Variants in CACNA1E observed in about 807,000 individuals in gnomAD.
CACNA1E encodes the protein voltage-dependent R-type calcium channel subunit alpha-1E.
Under a neutral mutation model 259.2 loss-of-function variants are expected in CACNA1E, and 40 were observed. The ratio of observed to expected loss-of-function variants is 0.15; its 90% CI spans 0.12 to 0.20. CACNA1E has a LOEUF of 0.20. Among genes scored for constraint, CACNA1E ranks in the 10% least tolerant of loss-of-function variants. CACNA1E has a pLI of 1.00. For synonymous variants in CACNA1E, 1,104 were observed against 1,138.5 expected (o/e 0.97, Z 0.61); for missense variants, 1,874 against 3,040.1 (o/e 0.62, Z 9.02).
intron 1 of CACNA1E, among the ~76,000 whole-genome samples, chr1:181,355,583 A>G (rs971851633): frequency 1.4e-5 from 2 of 142,230 alleles, no homozygotes; most frequent in Admixed American, 1.5e-4. Flanking sequence ...GTGAGACTCC[A>G]TCTCAAACAA....
chr1:181,394,299 G>T (rs1432437265), intron 1 of CACNA1E, among the ~76,000 whole-genome samples: 4 of 152,230 alleles, frequency 2.6e-5, no homozygotes, highest in Non-Finnish European at 5.9e-5. Flanking sequence ...CATATTTAAA[G>T]TGTCTGGCAC....
At chr1:181,772,305 G>C (rs781674067) in intron 37 of CACNA1E, 74 bp downstream of exon 37, 11 of 1,451,274 alleles carry the variant, frequency 7.6e-6, no homozygotes, top group Non-Finnish European at 1.0e-5. Flanking sequence ...TACATAGACC[G>C]GAGATGTTTG....
intron 8 of CACNA1E, among the ~76,000 whole-genome samples, chr1:181,713,213 T>C (rs1186234449): frequency 6.6e-6 from 1 of 152,122 alleles, no homozygotes; most frequent in East Asian, 1.9e-4. Flanking sequence ...CTTCCATCTG[T>C]CCTGGGGGGT....
At chr1:181,723,695 T>C (rs975664243) in intron 16 of CACNA1E, among the ~76,000 whole-genome samples, 3 of 152,166 alleles carry the variant, frequency 2.0e-5, no homozygotes, top group African/African-American at 4.8e-5. Context: ...ACAACCCCCT[T>C]CCTGGGTTTG....
At chr1:181,599,110 C>T (rs1653487515) in intron 6 of CACNA1E, among the ~76,000 whole-genome samples, 1 of 152,008 alleles carries the variant, frequency 6.6e-6, no homozygotes, top group African/African-American at 2.4e-5. Context: ...TCTCCCCCCT[C>T]CCCACTCTTG....
At chr1:181,500,896 T>G (rs1410403681) in intron 1 of CACNA1E, among the ~76,000 whole-genome samples, 3 of 152,212 alleles carry the variant, frequency 2.0e-5, no homozygotes, top group Admixed American at 6.5e-5. Flanking sequence ...GCTGTCTCAG[T>G]TCCATGATGC....
At chr1:181,442,321 G>A (rs1339207908) in intron 2 of CACNA1E, among the ~76,000 whole-genome samples, 1 of 147,462 alleles carries the variant, frequency 6.8e-6, no homozygotes, top group African/African-American at 2.6e-5. Context: ...GGGGCCAGGT[G>A]TGATGGGCAC....
chr1:181,331,294 G>A (rs12089255), intron 1 of CACNA1E, among the ~76,000 whole-genome samples: 12,538 of 152,074 alleles, frequency 0.082, 618 homozygotes, highest in East Asian at 0.15. Flanking sequence ...ACTGGCTTAC[G>A]TGATTACGGA....
chr1:181,787,880 A>C (rs1458419507), intron 43 of CACNA1E, among the ~76,000 whole-genome samples: 1 of 152,188 alleles, frequency 6.6e-6, no homozygotes, highest in Non-Finnish European at 1.5e-5. Flanking sequence ...GGATGTGTTA[A>C]GTTATGGATT....
chr1:181,796,284 C>T (rs551564891), intron 46 of CACNA1E, among the ~76,000 whole-genome samples: 1 of 152,252 alleles, frequency 6.6e-6, no homozygotes, highest in Non-Finnish European at 1.5e-5. Context: ...AACAAATTAC[C>T]ACAGACTGGG....
At position 181,483,818 on chromosome 1, in the gene CACNA1E, G is replaced by A. The variant is rs1227533595; in HGVS notation, c.74G>A (p.Arg25Gln). 1.2e-6 allele frequency: 2 copies of A among 1,613,548 alleles called. No homozygotes were observed. The highest frequency in any genetic ancestry group is 1.7e-6 in the Non-Finnish European group (2 of 1,179,766). ...GDGDSDQSRN[R>Q]QGTPVPASGQ... ...GGAGACTCGGACCAGAGCAGGAACC[G>A]GCAAGGAACCCCCGTGCCGGCCTCG... The change falls in exon 1 of 48, where the codon CGG (arginine) becomes CAG (glutamine). Residue 25 changes from arginine to glutamine, a missense_variant. Physicochemically the swap from Arg to Gln is conservative, Grantham distance 43 (BLOSUM62 1). This residue lies in a region of CACNA1E where 110 missense variants were observed against 122.8 expected (regional missense o/e 0.90). Coordinates refer to ENST00000367573, the MANE Select transcript of CACNA1E (RefSeq NM_001205293.3).
intron 17 of CACNA1E, 34 bp downstream of exon 17, chr1:181,724,571 C>A (rs771636077): frequency 3.9e-6 from 6 of 1,557,248 alleles, no homozygotes; most frequent in Admixed American, 1.7e-5. Context: ...TGATGTTTCT[C>A]TAGTGCCATT....
chr1:181,464,339 G>T (rs376085846), intron 2 of CACNA1E, among the ~76,000 whole-genome samples: 1 of 148,094 alleles, frequency 6.8e-6, no homozygotes, highest in African/African-American at 2.5e-5. Flanking sequence ...TTCGTTTTTT[G>T]TTTTTTTTTT....
chr1:181,465,295 G>T (rs1481566771), intron 2 of CACNA1E, among the ~76,000 whole-genome samples: 2 of 152,086 alleles, frequency 1.3e-5, no homozygotes, highest in African/African-American at 4.8e-5. Flanking sequence ...ACTAGAATAT[G>T]TGTGTATAGG....
chr1:181,777,016 C>T (rs1274627958), intron 38 of CACNA1E, among the ~76,000 whole-genome samples: 1 of 152,212 alleles, frequency 6.6e-6, no homozygotes, highest in Non-Finnish European at 1.5e-5. Context: ...GTATGGTCCT[C>T]AAATTTGAAA....
intron 25 of CACNA1E, among the ~76,000 whole-genome samples, chr1:181,744,644 G>T (rs752977287): frequency 2.0e-4 from 30 of 152,190 alleles, no homozygotes; most frequent in Non-Finnish European, 4.0e-4. Flanking sequence ...CAAACCTCCA[G>T]CGTTGCCTAT....
chr1:181,549,686 G>T (rs1572176713), intron 3 of CACNA1E, among the ~76,000 whole-genome samples: 5 of 152,326 alleles, frequency 3.3e-5, no homozygotes, highest in Admixed American at 2.0e-4. Context: ...ATGGGTGTTG[G>T]CAGATTTCTT....
chr1:181,622,089 G>A (rs1655777304), intron 6 of CACNA1E, among the ~76,000 whole-genome samples: 4 of 152,190 alleles, frequency 2.6e-5, no homozygotes, highest in Admixed American at 2.6e-4. Flanking sequence ...TCCTGGATGA[G>A]TTAGGTCAAC....
chr1:181,346,449 C>T (rs1652600996), intron 1 of CACNA1E, among the ~76,000 whole-genome samples: 3 of 152,216 alleles, frequency 2.0e-5, no homozygotes, highest in Admixed American at 2.0e-4. Flanking sequence ...GGGCAGCCCC[C>T]AGTGGAAGGG....
Sources: allele counts gnomAD v4.1 joint callset (sites outside exome capture counted in the v4.1 genomes callset), GRCh38; gene constraint gnomAD v4.1.1; regional missense constraint gnomAD v4.1.1; transcripts MANE v1.5; gene names NCBI Gene and HGNC (gene_info 2026-07-23, HGNC 2026-07-21).